UGT1A9: variants seen among roughly 807,000 people sequenced by gnomAD.
UGT1A9 encodes the protein UDP glucuronosyltransferase family 1 member A9, also known as UDP-glucuronosyltransferase 1A9.
Under a neutral mutation model 45.0 loss-of-function variants are expected in UGT1A9, and 35 were observed. That is an observed-to-expected ratio of 0.78 (90% CI 0.59 to 1.03). The LOEUF is 1.03. UGT1A9 is among the 50% of genes least tolerant of loss of function. The pLI is 0.00. For missense variants in UGT1A9, 687 were observed against 666.6 expected, an observed-to-expected ratio of 1.03 and a Z score of -0.34; for synonymous variants, 278 against 250.6, an observed-to-expected ratio of 1.11 and a Z score of -1.03.
chr2:233,718,694 G>C, intron 1 of UGT1A9: 1 of 1,591,628 alleles, frequency 6.3e-7, no homozygotes, highest in Non-Finnish European at 8.5e-7. Context: ...CTGGAGGAGG[G>C]CACTTTGTCT....
intron 1 of UGT1A9, chr2:233,689,786 T>C: frequency 2.4e-6 from 1 of 409,846 alleles, no homozygotes; most frequent in Middle Eastern, 7.9e-4. Flanking sequence ...TATGTTATGA[T>C]GTGATCTGTA....
chr2:233,689,198 C>T (rs867212670), intron 1 of UGT1A9, among the ~76,000 whole-genome samples: 2 of 152,196 alleles, frequency 1.3e-5, no homozygotes, highest in Non-Finnish European at 2.9e-5. Flanking sequence ...AACTGTCTGG[C>T]TGGGCAAGCC....
intron 1 of UGT1A9, among the ~76,000 whole-genome samples, chr2:233,757,104 A>T (rs1373220200): frequency 1.3e-5 from 2 of 151,154 alleles, no homozygotes; most frequent in African/African-American, 2.4e-5. Flanking sequence ...GGGAGGGGGC[A>T]AGCAGAAGGG....
chr2:233,683,340 G>C (rs2074629186), intron 1 of UGT1A9, among the ~76,000 whole-genome samples: 1 of 152,046 alleles, frequency 6.6e-6, no homozygotes, highest in Admixed American at 6.6e-5. Context: ...ATAATTGCAT[G>C]GTAGTCTTTA....
intron 1 of UGT1A9, among the ~76,000 whole-genome samples, chr2:233,695,529 T>C (rs774353867): frequency 6.6e-6 from 1 of 152,094 alleles, no homozygotes; most frequent in Non-Finnish European, 1.5e-5. Context: ...ATTTCTTTTT[T>C]CTTTTTCTTT....
At chr2:233,748,806 A>C (rs981596738) in intron 1 of UGT1A9, among the ~76,000 whole-genome samples, 1 of 151,326 alleles carries the variant, frequency 6.6e-6, no homozygotes, top group Non-Finnish European at 1.5e-5. Flanking sequence ...AATTATCAAG[A>C]AATTGTGGAA....
At chr2:233,695,130 C>CTTTTTT (rs71398796) in intron 1 of UGT1A9, among the ~76,000 whole-genome samples, 1 of 138,838 alleles carries the variant, frequency 7.2e-6, no homozygotes, top group Non-Finnish European at 1.5e-5. Flanking sequence ...CTTTTCTTTT[C>CTTTTTT]TTTTTTTTTT....
rs961447661 is a variant in UGT1A9 at position 233,681,811 on chromosome 2, A to G, written c.855+9022A>G. ...AGTAAATCATTGGCAGTGAATGTGA[A>G]TTTTTTTTTAAATGAATGAATAAGT... On this transcript the variant is annotated intron_variant, in intron 1 of 4. Transcript: ENST00000354728. 4.0e-6 allele frequency: 6 copies of G among 1,488,146 alleles called. No individual in the cohort carries two copies. In the Admixed American group the frequency reaches 1.4e-4, roughly 35 times the overall value. The allele number at this position is 1,488,146 out of a possible 1,614,324, so 92.2% of individuals were successfully genotyped here.
chr2:233,721,852 T>C (rs2076975990), intron 1 of UGT1A9: 1 of 513,872 alleles, frequency 1.9e-6, no homozygotes, highest in African/African-American at 1.9e-5. Flanking sequence ...CCAGCCCCAC[T>C]GCTCGGCCCT....
chr2:233,722,101 G>T, intron 1 of UGT1A9: 1 of 200,878 alleles, frequency 5.0e-6, no homozygotes, highest in East Asian at 1.4e-4. Context: ...AGGCCTCTTA[G>T]AGGAAGAGCT....
At chr2:233,699,543 T>C (rs1049729465) in intron 1 of UGT1A9, among the ~76,000 whole-genome samples, 4 of 152,214 alleles carry the variant, frequency 2.6e-5, no homozygotes, top group Non-Finnish European at 4.4e-5. Context: ...ATTCACATCA[T>C]AGAGCCAGGT....
At chr2:233,703,396 A>T (rs890785846) in intron 1 of UGT1A9, among the ~76,000 whole-genome samples, 1 of 151,974 alleles carries the variant, frequency 6.6e-6, no homozygotes, top group African/African-American at 2.4e-5. Context: ...TCAAATAAAC[A>T]ATTTTGGTTT....
Position 233,713,465 on chromosome 2 carries a change from G to A in UGT1A9, c.855+40676G>A, listed in dbSNP as rs147117995. On this transcript the variant is annotated intron_variant, in intron 1 of 4. Coordinates refer to ENST00000354728, the MANE Select transcript of UGT1A9 (RefSeq NM_021027.3). ...TAACAGACCCCTTTCACCTCTGCGC[G>A]GCGGTGCTGGCTAAGTACCTGTCGA... is the stretch of plus-strand genomic sequence containing the variant. 2.5e-4 allele frequency: 400 copies of A among 1,613,916 alleles called. 3 individuals carry two copies. The East Asian group carries it at 5.4e-3, about 22-fold the overall frequency.
chr2:233,750,785 G>A (rs1694560373), intron 1 of UGT1A9: 1 of 151,946 alleles, frequency 6.6e-6, no homozygotes. Context: ...TGGGTACACA[G>A]AAGATAAGAA....
chr2:233,729,353 C>G, intron 1 of UGT1A9: 1 of 1,614,162 alleles, frequency 6.2e-7, no homozygotes, highest in South Asian at 1.1e-5. Flanking sequence ...AACTTTTTCA[C>G]CCTGACAACC....
At position 233,772,381 on chromosome 2, in the gene UGT1A9, G is replaced by A. The variant is rs150687296; in HGVS notation, c.1415G>A (p.Arg472His). 6.8e-6 allele frequency: 11 copies of A among 1,614,106 alleles called. No individual in the cohort carries two copies. Among genetic ancestry groups the A allele is most frequent in the Middle Eastern group, 1.6e-4 (1 of 6,084 alleles). Residue 472 changes from arginine (R) to histidine (H), a missense_variant, in exon 5 of 5, where the codon CGC becomes CAC. Transcript: ENST00000354728. The stretch of plus-strand genomic sequence containing the variant: ...AGGCACAAGGGCGCGCCACACCTGC[G>A]CCCCGCAGCCCACGACCTCACCTGG... ...VMRHKGAPHL[R>H]PAAHDLTWYQ...
Position 233,682,591 on chromosome 2 carries a change from A to C in UGT1A9, c.855+9802A>C, listed in dbSNP as rs747574458. ...ACATCATGCACTTGGAGGAACATTT[A>C]TTTTGCCCCTATTTTTTCAAAAATG... On this transcript the variant is annotated intron_variant, in intron 1 of 4. Coordinates refer to ENST00000354728, the MANE Select transcript of UGT1A9 (RefSeq NM_021027.3). 11 of 1,613,826 alleles carry C rather than the reference A, an allele frequency of 6.8e-6. No individual in the cohort carries two copies. The South Asian group carries it at 1.2e-4, about 18-fold the overall frequency.
At chr2:233,748,096 T>A in intron 1 of UGT1A9, 1 of 1,612,812 alleles carries the variant, frequency 6.2e-7, no homozygotes, top group Non-Finnish European at 8.5e-7. Flanking sequence ...GTTCGTGCCT[T>A]CATCCAATCA....
At chr2:233,760,858 T>C (rs1196570380) in intron 1 of UGT1A9, 1 of 1,614,090 alleles carries the variant, frequency 6.2e-7, no homozygotes, top group Non-Finnish European at 8.5e-7. Flanking sequence ...CAACCCATTC[T>C]CCTACGTGCC....
Sources: gnomAD v4.1 joint callset for allele counts (sites outside exome capture counted in the v4.1 genomes callset) on GRCh38, gnomAD v4.1.1 for gene constraint, MANE v1.5 for transcripts, NCBI Gene and HGNC (gene_info 2026-07-23, HGNC 2026-07-21) for gene names.